DCK: variants seen among roughly 807,000 people sequenced by gnomAD.
The protein encoded by DCK is deoxycytidine kinase.
In DCK, 23 loss-of-function variants were observed where a neutral mutation model predicts 38.3. That is an observed-to-expected ratio of 0.60 (90% CI 0.43 to 0.85). DCK has a LOEUF of 0.85. DCK is among the 40% of genes least tolerant of loss of function. The pLI is 0.00. For synonymous variants in DCK, 108 were observed against 100.6 expected (o/e 1.07, Z -0.44); for missense variants, 259 against 304.4 (o/e 0.85, Z 1.11).
At chr4:71,021,237 G>C (rs372185883) in intron 2 of DCK, among the ~76,000 whole-genome samples, 5 of 151,216 alleles carry the variant, frequency 3.3e-5, no homozygotes, top group Non-Finnish European at 5.9e-5. Flanking sequence ...CACCGCGCCC[G>C]GCTAATTTTT....
intron 5 of DCK, among the ~76,000 whole-genome samples, 195 bp downstream of exon 5, chr4:71,026,126 A>G (rs1578430848): frequency 6.6e-6 from 1 of 152,126 alleles, no homozygotes; most frequent in Non-Finnish European, 1.5e-5. Flanking sequence ...AAGTTTTTAT[A>G]ACTAGTATCC....
In DCK at chr4:71,018,911, A is replaced by T. The variant is rs76481855; in HGVS notation, c.208-3456A>T. On this transcript the variant is annotated intron_variant, in intron 2 of 6. Coordinates refer to ENST00000286648, the MANE Select transcript of DCK (RefSeq NM_000788.3). ...GGTCTGGAACTCCTGAGCTTAAGTGATCCGCCTGCCTCGGACTCCCAAAGT... is the reference window on the plus strand; with the variant it reads ...GGTCTGGAACTCCTGAGCTTAAGTGTTCCGCCTGCCTCGGACTCCCAAAGT... Among the ~76,000 whole-genome samples, 9 of 152,170 alleles carry T rather than the reference A, an allele frequency of 5.9e-5. No homozygotes were observed. The East Asian group carries it at 1.4e-3, about 23-fold the overall frequency.
At chr4:71,014,333 C>T (rs953267537) in intron 2 of DCK, among the ~76,000 whole-genome samples, 14 of 152,282 alleles carry the variant, frequency 9.2e-5, no homozygotes, top group African/African-American at 3.1e-4. Flanking sequence ...GACTTTAACA[C>T]CCCACTGTCG....
intron 1 of DCK, among the ~76,000 whole-genome samples, chr4:70,997,570 A>G (rs975922303): frequency 6.6e-6 from 1 of 152,114 alleles, no homozygotes; most frequent in Non-Finnish European, 1.5e-5. Flanking sequence ...AATGTCCTAG[A>G]TTTAAATATA....
intron 6 of DCK, among the ~76,000 whole-genome samples, chr4:71,028,922 T>G (rs1254098736): frequency 6.6e-6 from 1 of 152,212 alleles, no homozygotes; most frequent in East Asian, 1.9e-4. Flanking sequence ...TATGCCCGGC[T>G]AATTTTGTAT....
At chr4:71,008,854 T>C (rs889761651) in intron 2 of DCK, among the ~76,000 whole-genome samples, 11 of 152,216 alleles carry the variant, frequency 7.2e-5, no homozygotes, top group African/African-American at 2.7e-4. Flanking sequence ...GTTTATTCTT[T>C]ATTTGGTTCG....
chr4:71,002,919 C>T (rs567658307), intron 2 of DCK, among the ~76,000 whole-genome samples: 1 of 152,010 alleles, frequency 6.6e-6, no homozygotes, highest in South Asian at 2.1e-4. Flanking sequence ...TAATTTGCCA[C>T]TCTGTGTCTT....
At chr4:71,009,534 T>C (rs1050769562) in intron 2 of DCK, among the ~76,000 whole-genome samples, 1 of 152,192 alleles carries the variant, frequency 6.6e-6, no homozygotes, top group African/African-American at 2.4e-5. Context: ...TTTCTTTCCA[T>C]ATACTTGATT....
At chr4:71,014,670 A>T (rs903838721) in intron 2 of DCK, among the ~76,000 whole-genome samples, 3 of 152,244 alleles carry the variant, frequency 2.0e-5, no homozygotes, top group Non-Finnish European at 4.4e-5. Context: ...CTGAATGACT[A>T]CTGGGTACAT....
intron 6 of DCK, among the ~76,000 whole-genome samples, chr4:71,027,695 T>A (rs1467583507): frequency 2.0e-5 from 3 of 152,208 alleles, no homozygotes; most frequent in Non-Finnish European, 4.4e-5. Flanking sequence ...AGCGTATACA[T>A]GTAGTTGTTT....
chr4:71,007,450 C>T (rs1389877922), intron 2 of DCK, among the ~76,000 whole-genome samples: 2 of 152,194 alleles, frequency 1.3e-5, no homozygotes, highest in African/African-American at 4.8e-5. Context: ...ACTATATCTT[C>T]TTTCCTACGT....
intron 2 of DCK, among the ~76,000 whole-genome samples, chr4:71,005,715 TG>T (rs1054337478): frequency 1.3e-5 from 2 of 151,744 alleles, no homozygotes; most frequent in African/African-American, 2.4e-5. Context: ...TTGGTCAGGC[TG>T]GGCCCAAACT....
intron 2 of DCK, among the ~76,000 whole-genome samples, chr4:71,016,436 T>C (rs1740262877): frequency 6.6e-6 from 1 of 152,126 alleles, no homozygotes; most frequent in Non-Finnish European, 1.5e-5. Context: ...AAAACTACTT[T>C]AAAGTTCATA....
chr4:71,016,138 AACAG>A (rs766077891), intron 2 of DCK, among the ~76,000 whole-genome samples: 3 of 152,204 alleles, frequency 2.0e-5, no homozygotes, highest in Admixed American at 6.5e-5. Flanking sequence ...ATACACCAAT[AACAG>A]ACAAACAGAG....
At position 71,030,366 on chromosome 4, in the gene DCK, G is replaced by A. The variant is rs1425602498; in HGVS notation, c.*988G>A. The A allele has an allele frequency of 1.3e-5, 2 of 151,926 alleles. No homozygotes were observed. The highest frequency in any genetic ancestry group is 2.9e-5 in the Non-Finnish European group (2 of 67,964). The allele number at this position is 151,926 out of a possible 1,614,324, so 9.4% of individuals were successfully genotyped here. A position where few individuals can be genotyped will look rare whatever the true frequency, so the allele number is the denominator to read the frequency against. Reference sequence around the variant, plus strand: ...TGTGTATTAAACCTTTCCATTTTACGTTTTAGAAAATTTTATGTATTTTAA... The same window carrying A: ...TGTGTATTAAACCTTTCCATTTTACATTTTAGAAAATTTTATGTATTTTAA... On this transcript the variant is annotated 3_prime_UTR_variant, in exon 7 of 7. Coordinates refer to ENST00000286648, the MANE Select transcript of DCK (RefSeq NM_000788.3).
chr4:71,008,103 T>C (rs1176090519), intron 2 of DCK, among the ~76,000 whole-genome samples: 1 of 152,160 alleles, frequency 6.6e-6, no homozygotes, highest in Non-Finnish European at 1.5e-5. Context: ...GATTTCCAAT[T>C]TAGTTGCTTA....
intron 2 of DCK, among the ~76,000 whole-genome samples, chr4:71,018,337 C>T (rs1322432417): frequency 6.6e-6 from 1 of 151,928 alleles, no homozygotes; most frequent in Non-Finnish European, 1.5e-5. Flanking sequence ...ACCGTGTTAG[C>T]CAGGATGGTC....
chr4:70,993,979 C>A, intron 1 of DCK, 53 bp downstream of exon 1: 1 of 1,278,448 alleles, frequency 7.8e-7, no homozygotes, highest in Non-Finnish European at 1.1e-6. Flanking sequence ...GCGGCAGTGG[C>A]TGAAGCTTCC....
intron 2 of DCK, among the ~76,000 whole-genome samples, chr4:71,019,948 G>A (rs1022200828): frequency 1.3e-5 from 2 of 152,022 alleles, no homozygotes; most frequent in African/African-American, 4.8e-5. Flanking sequence ...CACCACGCCT[G>A]GCTAATTTTT....
Sources: allele counts gnomAD v4.1 joint callset (sites outside exome capture counted in the v4.1 genomes callset), GRCh38; gene constraint gnomAD v4.1.1; transcripts MANE v1.5; gene names NCBI Gene and HGNC (gene_info 2026-07-23, HGNC 2026-07-21).